PPL: variants seen among roughly 807,000 people sequenced by gnomAD.
PPL encodes 190 kDa paraneoplastic pemphigus antigen.
Under a neutral mutation model 194.4 loss-of-function variants are expected in PPL, and 198 were observed. The ratio of observed to expected loss-of-function variants is 1.02; its 90% confidence interval spans 0.91 to 1.15. The LOEUF (loss-of-function observed/expected upper bound fraction) is 1.15, where lower values mean the gene tolerates loss of function less well. Among genes scored for constraint, PPL ranks in the 50% most tolerant of loss-of-function variants. The pLI, the probability that PPL is intolerant of heterozygous loss-of-function variation, is 0.00. For synonymous variants in PPL, 1,220 were observed against 972.4 expected, an observed-to-expected ratio of 1.25 and a Z score of -4.74; for missense variants, 2,885 against 2,294.8, an observed-to-expected ratio of 1.26 and a Z score of -5.25.
intron 8 of PPL, among the ~76,000 whole-genome samples, 191 bp from the exon 9 acceptor site, chr16:4,897,961 C>A (rs1341389128): frequency 1.3e-5 from 2 of 152,142 alleles, no homozygotes; most frequent in Non-Finnish European, 2.9e-5. Context: ...CGTCAAGGAG[C>A]CAAACAGGGA....
At chr16:4,900,053 G>C (rs1445843967) in intron 6 of PPL, among the ~76,000 whole-genome samples, 1 of 152,166 alleles carries the variant, frequency 6.6e-6, no homozygotes, top group Non-Finnish European at 1.5e-5. Context: ...CGGAGGCTAA[G>C]TAACTCGCTC....
At chr16:4,889,737 G>A (rs944779969) in intron 18 of PPL, among the ~76,000 whole-genome samples, 1 of 152,216 alleles carries the variant, frequency 6.6e-6, no homozygotes, top group Non-Finnish European at 1.5e-5. Flanking sequence ...TATGAGTGAG[G>A]AAAGCTTCTG....
At chr16:4,896,058 G>A (rs2142352576) in intron 9 of PPL, among the ~76,000 whole-genome samples, 1 of 152,354 alleles carries the variant, frequency 6.6e-6, no homozygotes, top group African/African-American at 2.4e-5. Flanking sequence ...TAATACTATA[G>A]CTTCTTTCTA....
Position 4,884,386 on chromosome 16 carries a change from C to G in PPL, c.4269G>C (p.Leu1423Phe), listed in dbSNP as rs1401020835. ...GCTCCAGCGCTGCCAGCCGCTGCTG[C>G]AACCGCTGTACCTCGCGCTCGGCCT... ...RREAEREVQRLQQRLAALEQE... is the reference protein window; with the variant it reads ...RREAEREVQRFQQRLAALEQE... The change falls in exon 22 of 22, where the codon TTG (leucine) becomes TTC (phenylalanine). Residue 1423 changes from leucine to phenylalanine, a missense_variant. Coordinates refer to ENST00000345988, the MANE Select transcript of PPL (RefSeq NM_002705.5). This position sits in a 1 kb window ranked among gnomAD's most constrained non-coding sequence, Gnocchi z 5.7. 2 of 1,611,478 alleles carry G rather than the reference C, an allele frequency of 1.2e-6. No individual in the cohort carries two copies. Among genetic ancestry groups the G allele is most frequent in the Middle Eastern group, 1.7e-4 (1 of 6,046 alleles).
chr16:4,912,542 T>G (rs186929672), intron 1 of PPL, among the ~76,000 whole-genome samples: 1 of 152,272 alleles, frequency 6.6e-6, no homozygotes, highest in South Asian at 2.1e-4. Flanking sequence ...GTGAGCAGTC[T>G]TATTTTTAAT....
intron 1 of PPL, among the ~76,000 whole-genome samples, chr16:4,935,840 T>C (rs1473717567): frequency 6.6e-6 from 1 of 152,068 alleles, no homozygotes; most frequent in East Asian, 1.9e-4. Flanking sequence ...AGGAGCTGCT[T>C]GAGGGCACAG....
chr16:4,889,898 C>G (rs919718964), intron 18 of PPL, among the ~76,000 whole-genome samples: 2 of 152,244 alleles, frequency 1.3e-5, no homozygotes, highest in African/African-American at 2.4e-5. Flanking sequence ...AAAGGCGGCT[C>G]CTCATTCTGT....
chr16:4,911,534 T>C (rs1457628882), intron 1 of PPL, among the ~76,000 whole-genome samples: 1 of 152,156 alleles, frequency 6.6e-6, no homozygotes, highest in East Asian at 1.9e-4. Context: ...CATTCATTCA[T>C]TCATTCATTC....
At position 4,883,781 on chromosome 16, in the gene PPL, A is replaced by C; in HGVS notation, c.4874T>G (p.Leu1625Arg). The change falls in exon 22 of 22, where the codon CTC becomes CGC. Residue 1625 changes from leucine to arginine, a missense_variant. Leu to Arg is a moderately radical substitution (Grantham distance 102, BLOSUM62 -2). Transcript: ENST00000345988. The surrounding 1 kb of genome is among the most constrained non-coding windows in gnomAD (Gnocchi z 4.8). ...LERELDDLKR[L>R]SKDKDLEIDE... ...GATCTCGAGGTCTTTGTCCTTGGAG[A>C]GCCTCTTGAGGTCATCCAGTTCCCT... The C allele has an allele frequency of 1.9e-6, 3 of 1,613,934 alleles. No homozygotes were observed. In the South Asian group the frequency reaches 3.3e-5, roughly 18 times the overall value.
At chr16:4,909,762 G>T (rs1367633358) in intron 2 of PPL, among the ~76,000 whole-genome samples, 1 of 152,152 alleles carries the variant, frequency 6.6e-6, no homozygotes, top group African/African-American at 2.4e-5. Context: ...CCTGCATAGG[G>T]ATGCCAGATG....
In PPL at chr16:4,892,032, C is replaced by G. The variant is rs1376066515; in HGVS notation, c.1829+3G>C. Reference sequence around the variant, plus strand: ...ACCTCCATGCTGCCTGTCTGCCACCCACTTCTCCTGGGCCAAGTCCAGCAG... The same window carrying G: ...ACCTCCATGCTGCCTGTCTGCCACCGACTTCTCCTGGGCCAAGTCCAGCAG... On this transcript the variant is annotated splice_donor_region_variant and intron_variant, in intron 15 of 21. Transcript: ENST00000345988. 1 of 1,612,746 alleles carries G rather than the reference C, an allele frequency of 6.2e-7. No individual in the cohort carries two copies. Among genetic ancestry groups the G allele is most frequent in the South Asian group, 1.1e-5 (1 of 91,058 alleles).
At chr16:4,889,546 C>G (rs1018198228) in intron 18 of PPL, among the ~76,000 whole-genome samples, 5 of 151,928 alleles carry the variant, frequency 3.3e-5, no homozygotes, top group African/African-American at 4.8e-5. Context: ...TGTGAGCCAC[C>G]GCGCCCAGCC....
At chr16:4,914,030 C>G (rs948076599) in intron 1 of PPL, among the ~76,000 whole-genome samples, 1 of 152,182 alleles carries the variant, frequency 6.6e-6, no homozygotes, top group Non-Finnish European at 1.5e-5. Flanking sequence ...TGGGTGGGGA[C>G]AGCGGTGGTC....
Position 4,883,856 on chromosome 16 carries a change from G to T in PPL, c.4799C>A (p.Thr1600Asn). The T allele has an allele frequency of 6.2e-7, 1 of 1,614,022 alleles. No homozygotes were observed. Among genetic ancestry groups the T allele is most frequent in the Non-Finnish European group, 8.5e-7 (1 of 1,180,024 alleles). The stretch of plus-strand genomic sequence containing the variant: ...ATGGTTGGTCCCAGAGTCCGCCACG[G>T]TCATGTTCCGCAGGTCTCGTGTTTC... ...ATETRDLRNMTVADSGTNHDS... is the reference protein window; with the variant it reads ...ATETRDLRNMNVADSGTNHDS... The change falls in exon 22 of 22, where the codon ACC (threonine) becomes AAC (asparagine). Residue 1600 changes from threonine to asparagine, a missense_variant. By Grantham distance (65) the Thr-to-Asn change is moderately conservative. Transcript: ENST00000345988. The surrounding 1 kb of genome is among the most constrained non-coding windows in gnomAD (Gnocchi z 4.8).
chr16:4,900,479 T>G (rs577253695), intron 6 of PPL, among the ~76,000 whole-genome samples: 1 of 135,180 alleles, frequency 7.4e-6, no homozygotes, highest in Non-Finnish European at 1.6e-5. Flanking sequence ...TTGCTCTGTT[T>G]CCCAGGCTGG....
At chr16:4,910,982 G>C in intron 1 of PPL, 33 bp from the exon 2 acceptor site, 1 of 1,576,974 alleles carries the variant, frequency 6.3e-7, no homozygotes, top group South Asian at 1.1e-5. Context: ...GATGGGCGGG[G>C]TGCCTGGTGG....
chr16:4,883,563 TCTC>T lies in PPL; in HGVS notation c.5089_5091del (p.Glu1697del). On this transcript the variant is annotated inframe_deletion, in exon 22 of 22. Coordinates refer to ENST00000345988, the MANE Select transcript of PPL (RefSeq NM_002705.5). The surrounding 1 kb of genome is among the most constrained non-coding windows in gnomAD (Gnocchi z 4.8). Reference sequence around the variant, plus strand: ...TCCCCATTGGGACCCTTCACTGAGATCTCCTCCCAGTCGCACTCCTGGCTTCTG... The same window carrying T: ...TCCCCATTGGGACCCTTCACTGAGATCTCCCAGTCGCACTCCTGGCTTCTG... The T allele has an allele frequency of 1.2e-6, 2 of 1,614,102 alleles. No homozygotes were observed. Among genetic ancestry groups the T allele is most frequent in the Admixed American group, 1.7e-5 (1 of 60,012 alleles).
rs60590348 is a variant in PPL, at chr16:4,888,410, C to T, written c.2398-192G>A. On this transcript the variant is annotated intron_variant, in intron 19 of 21. Coordinates refer to ENST00000345988, the MANE Select transcript of PPL (RefSeq NM_002705.5). ...GTTTTGAGAATTACTGATATCTCAG[C>T]AGTACATAGCTCCATCACTCAGTAA... Among the ~76,000 whole-genome samples the T allele has an allele frequency of 7.4e-3, 1,121 of 152,346 alleles. 9 individuals are homozygous for T. Among genetic ancestry groups the T allele is most frequent in the African/African-American group, 0.026 (1,066 of 41,576 alleles).
At position 4,901,005 on chromosome 16, in the gene PPL, C is replaced by A; in HGVS notation, c.523G>T (p.Val175Phe). The change falls in exon 5 of 22, where the codon GTC (valine) becomes TTC (phenylalanine). Residue 175 changes from valine to phenylalanine, a missense_variant. By Grantham distance (50) the Val-to-Phe change is conservative (BLOSUM62 -1). Coordinates refer to ENST00000345988, the MANE Select transcript of PPL (RefSeq NM_002705.5). ...GCCAGGTGGGGCCCGATGGCCTTGA[C>A]CTCATTGTGGAAGATGTTATGCTCC... ...VEEHNIFHNE[V>F]KAIGPHLAKD... 1 of 1,614,158 alleles carries A rather than the reference C, an allele frequency of 6.2e-7. No individual in the cohort carries two copies. Among genetic ancestry groups the A allele is most frequent in the African/African-American group, 1.3e-5 (1 of 75,050 alleles).
Sources: gnomAD v4.1 joint callset for allele counts (sites outside exome capture counted in the v4.1 genomes callset) on GRCh38, gnomAD v4.1.1 for gene constraint, Gnocchi (gnomAD v3.1) non-coding constraint, MANE v1.5 for transcripts, NCBI Gene and HGNC (gene_info 2026-07-23, HGNC 2026-07-21) for gene names.